Variants in ABCA12 observed in about 807,000 individuals in gnomAD.
ABCA12 encodes glucosylceramide transporter ABCA12.
In ABCA12, 156 loss-of-function variants were observed where a neutral mutation model predicts 293.5. That is an observed-to-expected ratio of 0.53 (90% CI 0.47 to 0.61). ABCA12 has a LOEUF of 0.61. Among genes scored for constraint, ABCA12 ranks in the 20% least tolerant of loss-of-function variants. ABCA12 has a pLI of 0.00. For synonymous variants in ABCA12, 1,063 were observed against 1,108.0 expected (o/e 0.96, Z 0.81); for missense variants, 2,797 against 3,090.2 (o/e 0.91, Z 2.25).
At chr2:215,033,646 A>G (rs1700925985) in intron 8 of ABCA12, among the ~76,000 whole-genome samples, 1 of 152,194 alleles carries the variant, frequency 6.6e-6, no homozygotes, top group Non-Finnish European at 1.5e-5. Context: ...GGCATACTTA[A>G]AATTGTATTC....
At chr2:214,976,726 A>G (rs775005322) in intron 33 of ABCA12, among the ~76,000 whole-genome samples, 1 of 152,202 alleles carries the variant, frequency 6.6e-6, no homozygotes, top group Non-Finnish European at 1.5e-5. Flanking sequence ...ATTAGAAAAA[A>G]TATCTACCAT....
intron 23 of ABCA12, among the ~76,000 whole-genome samples, chr2:214,995,668 C>A (rs1700017311): frequency 6.6e-6 from 1 of 152,096 alleles, no homozygotes; most frequent in Non-Finnish European, 1.5e-5. Context: ...GGACATCCCA[C>A]TCCTTCCACG....
intron 28 of ABCA12, among the ~76,000 whole-genome samples, chr2:214,984,204 C>G (rs1271394724): frequency 6.6e-6 from 1 of 151,158 alleles, no homozygotes; most frequent in Non-Finnish European, 1.5e-5. Flanking sequence ...TCACACCATT[C>G]TCCTGCCTCA....
chr2:214,993,281 C>T (rs868766708), intron 23 of ABCA12, among the ~76,000 whole-genome samples: 5 of 152,134 alleles, frequency 3.3e-5, no homozygotes, highest in South Asian at 4.1e-4. Context: ...CCTATGCTTC[C>T]GTGGGAATGG....
chr2:215,100,522 G>A (rs1389586842), intron 2 of ABCA12, among the ~76,000 whole-genome samples: 2 of 152,064 alleles, frequency 1.3e-5, no homozygotes, highest in African/African-American at 4.8e-5. Context: ...ATTGTTACAT[G>A]TCACTATTAA....
rs1379085439 is a variant in ABCA12, at chr2:214,956,507, CTA to C, written c.6233+154_6233+155del. 3.3e-5 allele frequency among the ~76,000 whole-genome samples: 5 copies of C among 152,210 alleles called. No individual in the cohort carries two copies. In the East Asian group the frequency reaches 9.7e-4, roughly 29 times the overall value. On this transcript the variant is annotated intron_variant, in intron 42 of 52. Transcript: ENST00000272895. ...TTTCAAAAGTATTATACTTTGCAGT[CTA>C]TGGACTAGCAAGTGCAATGTGTTGT... is the stretch of plus-strand genomic sequence containing the variant.
At position 215,124,125 on chromosome 2, in the gene ABCA12, T is replaced by G. The variant is rs185574957; in HGVS notation, c.70-12435A>C. 9.3e-4 allele frequency among the ~76,000 whole-genome samples: 141 copies of G among 152,368 alleles called. No individual in the cohort carries two copies. In the East Asian group the frequency reaches 0.022, roughly 24 times the overall value. ...CATTCCTTTTTATGGCTGCGTAGTA[T>G]TCCATCACATATATATTCCACAGTT... On this transcript the variant is annotated intron_variant, in intron 1 of 52. Transcript: ENST00000272895.
chr2:215,087,224 G>A lies in ABCA12; in HGVS notation c.164-23005C>T, dbSNP rs533455947. 5.9e-4 allele frequency among the ~76,000 whole-genome samples: 89 copies of A among 152,124 alleles called. 1 individual carries two copies. The highest frequency in any genetic ancestry group is 1.1e-3 in the Non-Finnish European group (78 of 68,014). On this transcript the variant is annotated intron_variant, in intron 2 of 52. Transcript: ENST00000272895. ...TCCAAAGTGCTGGGATTTCAGGTGTGAGCCACCATGCCCGGCCCAGTTAAT... is the reference window on the plus strand; with the variant it reads ...TCCAAAGTGCTGGGATTTCAGGTGTAAGCCACCATGCCCGGCCCAGTTAAT...
At chr2:214,954,499 G>A (rs1378648419) in intron 43 of ABCA12, among the ~76,000 whole-genome samples, 1 of 152,108 alleles carries the variant, frequency 6.6e-6, no homozygotes, top group Non-Finnish European at 1.5e-5. Flanking sequence ...ATCCCTACTT[G>A]GAGAGGGACT....
chr2:215,119,676 T>TG (rs1311221322), intron 1 of ABCA12, among the ~76,000 whole-genome samples: 1 of 150,552 alleles, frequency 6.6e-6, no homozygotes, highest in Non-Finnish European at 1.5e-5. Flanking sequence ...CACCTGTTTT[T>TG]GGACCAGTGC....
chr2:215,073,487 A>T lies in ABCA12; in HGVS notation c.164-9268T>A, dbSNP rs144908734. Among the ~76,000 whole-genome samples, 14 of 152,108 alleles carry T rather than the reference A, an allele frequency of 9.2e-5. No homozygotes were observed. The East Asian group carries it at 2.7e-3, about 30-fold the overall frequency. ...GCTGGGTACGCATACACTGGGTATG[A>T]CCGTGCTGATTGGTCATATCAGAAA... On this transcript the variant is annotated intron_variant, in intron 2 of 52. Coordinates refer to ENST00000272895, the MANE Select transcript of ABCA12 (RefSeq NM_173076.3).
At chr2:215,035,201 T>C (rs998297184) in intron 8 of ABCA12, among the ~76,000 whole-genome samples, 1 of 152,216 alleles carries the variant, frequency 6.6e-6, no homozygotes, top group African/African-American at 2.4e-5. Context: ...GTTTTGAAGT[T>C]AGTAACTTTT....
rs1005799383 is a variant in ABCA12 at position 215,019,230 on chromosome 2, G to A, written c.1657+106C>T. ...GGTTTCTCATGTGTAAGGGCAGATA[G>A]CAAAGCGAGTTTGGTTGGGAACTTC... On this transcript the variant is annotated intron_variant, in intron 13 of 52. Transcript: ENST00000272895. 43 of 982,240 alleles carry A rather than the reference G, an allele frequency of 4.4e-5. No homozygotes were observed. In the Admixed American group the frequency reaches 7.9e-4, roughly 18 times the overall value. 60.8% of individuals were successfully genotyped at this position (982,240 alleles called of 1,614,324 possible). A position where few individuals can be genotyped will look rare whatever the true frequency, so the allele number is the denominator to read the frequency against.
chr2:215,138,103 C>A (rs1703270330), intron 1 of ABCA12, 37 bp downstream of exon 1: 1 of 1,587,518 alleles, frequency 6.3e-7, no homozygotes, highest in South Asian at 1.1e-5. Flanking sequence ...GGCGTATTGC[C>A]CCATGACCCA....
chr2:214,958,255 A>T, intron 41 of ABCA12, 22 bp downstream of exon 41: 1 of 1,613,792 alleles, frequency 6.2e-7, no homozygotes, highest in South Asian at 1.1e-5. Context: ...ATTCCCTGCA[A>T]TGAAGGACAT....
chr2:214,989,439 G>A lies in ABCA12; in HGVS notation c.3719C>T (p.Thr1240Ile), dbSNP rs1488887601. The A allele has an allele frequency of 1.9e-6, 3 of 1,613,546 alleles. No homozygotes were observed. Among genetic ancestry groups the A allele is most frequent in the South Asian group, 2.2e-5 (2 of 91,046 alleles). Residue 1240 changes from threonine (T) to isoleucine (I), a missense_variant, in exon 26 of 53, where the codon ACC becomes ATC. Physicochemically the swap from Thr to Ile is moderately conservative, Grantham distance 89. Around this residue, in one of 3 missense-constraint regions of ABCA12, gnomAD observed 2,130 missense variants for 2,427.0 expected, o/e 0.88. Coordinates refer to ENST00000272895, the MANE Select transcript of ABCA12 (RefSeq NM_173076.3). Reference protein sequence around the residue: ...GIGLQWENMYTSPVQDDTTSF... With the variant: ...GIGLQWENMYISPVQDDTTSF... The stretch of plus-strand genomic sequence containing the variant: ...GGTGGTGTCATCCTGAACCGGGGAG[G>A]TGTACATATTTTCCCACTGAAGACC...
chr2:214,944,956 TC>T, intron 49 of ABCA12, 44 bp downstream of exon 49: 1 of 1,531,370 alleles, frequency 6.5e-7, no homozygotes, highest in Non-Finnish European at 9.0e-7. Context: ...CCACCTGTCA[TC>T]CTAAGACTGT....
intron 39 of ABCA12, among the ~76,000 whole-genome samples, chr2:214,964,553 C>T (rs1055400485): frequency 6.6e-6 from 1 of 152,062 alleles, no homozygotes; most frequent in African/African-American, 2.4e-5. Flanking sequence ...AATCATTGTG[C>T]AAAAATTGCT....
intron 1 of ABCA12, among the ~76,000 whole-genome samples, chr2:215,129,745 T>C (rs1703012192): frequency 6.6e-6 from 1 of 152,202 alleles, no homozygotes; most frequent in South Asian, 2.1e-4. Flanking sequence ...TTAAGTCCCA[T>C]TTGTCTATTT....
Sources: allele counts gnomAD v4.1 joint callset (sites outside exome capture counted in the v4.1 genomes callset), GRCh38; gene constraint gnomAD v4.1.1; regional missense constraint gnomAD v4.1.1; transcripts MANE v1.5; gene names NCBI Gene and HGNC (gene_info 2026-07-23, HGNC 2026-07-21).